The following PARD3B variants were observed in gnomAD, a reference collection of about 807,000 sequenced individuals.
The protein encoded by PARD3B is par-3 family cell polarity regulator beta.
A neutral mutation model predicts 130.2 loss-of-function variants in PARD3B; 103 were observed. The ratio of observed to expected loss-of-function variants is 0.79; its 90% CI spans 0.67 to 0.93. The LOEUF (loss-of-function observed/expected upper bound fraction) is 0.93, where lower values mean the gene tolerates loss of function less well. Among genes scored for constraint, PARD3B ranks in the 40% least tolerant of loss-of-function variants. PARD3B has a pLI of 0.00. For synonymous variants in PARD3B, 583 were observed against 553.2 expected, an observed-to-expected ratio of 1.05 and a Z score of -0.76; for missense variants, 1,609 against 1,499.2, an observed-to-expected ratio of 1.07 and a Z score of -1.21.
intron 16 of PARD3B, among the ~76,000 whole-genome samples, chr2:205,254,161 A>T (rs995184411): frequency 4.0e-5 from 6 of 150,788 alleles, no homozygotes; most frequent in Admixed American, 4.0e-4. Flanking sequence ...TAAGCTACCT[A>T]CTTGCAAGAC....
At position 205,568,137 on chromosome 2, in the gene PARD3B, G is replaced by A. The variant is rs2053428428; in HGVS notation, c.3260+14734G>A. Among the ~76,000 whole-genome samples, 1 of 152,200 alleles carries A rather than the reference G, an allele frequency of 6.6e-6. No individual in the cohort carries two copies. Among genetic ancestry groups the A allele is most frequent in the Non-Finnish European group, 1.5e-5 (1 of 68,030 alleles). ...TAGTGGACAGAAGTGCTGCAGTGAT[G>A]GGGGTGTGGGGGCAGTCTGCTGCCA... On this transcript the variant is annotated intron_variant, in intron 22 of 22. Transcript: ENST00000406610. This position sits in a 1 kb window ranked among gnomAD's most constrained non-coding sequence, Gnocchi z 5.3.
intron 2 of PARD3B, among the ~76,000 whole-genome samples, chr2:204,926,610 AC>A (rs1264931602): frequency 1.3e-5 from 2 of 152,064 alleles, no homozygotes; most frequent in Non-Finnish European, 2.9e-5. Context: ...TCGATCCGTG[AC>A]AGCATTTTAC....
At chr2:205,544,732 C>T (rs2052312030) in intron 21 of PARD3B, among the ~76,000 whole-genome samples, 1 of 152,162 alleles carries the variant, frequency 6.6e-6, no homozygotes, top group Non-Finnish European at 1.5e-5. Context: ...TCATAATTTG[C>T]AGGTTGCTTT....
chr2:205,528,801 A>C (rs769016993), intron 21 of PARD3B, among the ~76,000 whole-genome samples: 24 of 152,036 alleles, frequency 1.6e-4, no homozygotes, highest in Non-Finnish European at 2.6e-4. Context: ...ACACAATCTT[A>C]AATACTCAAC....
Position 205,172,355 on chromosome 2 carries a change from C to G in PARD3B, c.1765C>G (p.Leu589Val), listed in dbSNP as rs753474749. Reference sequence around the variant, plus strand: ...CCGAGGGATGATCCAGTTGGTGATTCTGAGGAGGCCAGAGAGACCAATGGA... The same window carrying G: ...CCGAGGGATGATCCAGTTGGTGATTGTGAGGAGGCCAGAGAGACCAATGGA... ...NIRGMIQLVI[L>V]RRPERPMEDP... Residue 589 changes from leucine to valine, a missense_variant, in exon 12 of 23, where the codon CTG becomes GTG. Transcript: ENST00000406610. The G allele has an allele frequency of 1.9e-6, 3 of 1,614,036 alleles. No homozygotes were observed. The highest frequency in any genetic ancestry group is 2.5e-6 in the Non-Finnish European group (3 of 1,179,952).
chr2:204,697,872 G>C (rs1406534771), intron 2 of PARD3B, among the ~76,000 whole-genome samples: 1 of 152,074 alleles, frequency 6.6e-6, no homozygotes, highest in Admixed American at 6.6e-5. Context: ...GGGAATGGTC[G>C]TGTGATTCAG....
At chr2:205,168,595 C>A (rs2034965441) in intron 11 of PARD3B, among the ~76,000 whole-genome samples, 1 of 151,332 alleles carries the variant, frequency 6.6e-6, no homozygotes, top group Non-Finnish European at 1.5e-5. Flanking sequence ...GAATCAACTT[C>A]ATTTTAGGTC....
In PARD3B at chr2:205,352,668, C is replaced by A. The variant is rs1214073838; in HGVS notation, c.2631-48345C>A. On this transcript the variant is annotated intron_variant, in intron 18 of 22. Coordinates refer to ENST00000406610, the MANE Select transcript of PARD3B (RefSeq NM_001302769.2). The surrounding 1 kb of genome is among the most constrained non-coding windows in gnomAD (Gnocchi z 5.2). ...TTTGATGTGAGGTGTTGGAGATAAA[C>A]AGGTAGTATCAGGCGTCCATAGCCT... 1.3e-5 allele frequency among the ~76,000 whole-genome samples: 2 copies of A among 152,108 alleles called. 1 individual carries two copies. The highest frequency in any genetic ancestry group is 2.9e-5 in the Non-Finnish European group (2 of 68,020).
intron 12 of PARD3B, among the ~76,000 whole-genome samples, chr2:205,175,174 T>A (rs141282484): frequency 1.3e-5 from 2 of 152,312 alleles, no homozygotes; most frequent in East Asian, 1.9e-4. Flanking sequence ...ATCGATTGTG[T>A]CATTTATCAA....
chr2:205,112,284 A>G (rs1371409894), intron 5 of PARD3B, among the ~76,000 whole-genome samples: 1 of 152,120 alleles, frequency 6.6e-6, no homozygotes, highest in African/African-American at 2.4e-5. Flanking sequence ...TCTTAATGAT[A>G]ATAGGCTTGC....
intron 10 of PARD3B, among the ~76,000 whole-genome samples, chr2:205,149,053 C>A (rs921453427): frequency 6.6e-5 from 10 of 152,166 alleles, no homozygotes; most frequent in Non-Finnish European, 1.0e-4. Context: ...GAATCAGGCA[C>A]TGCTTTGCAG....
In PARD3B at chr2:205,128,243, A is replaced by G. The variant is rs998856052; in HGVS notation, c.1434+2506A>G. ...AAAAGAATGCAACCACAGAACTCCA[A>G]CTAGGAACTTAAACCCTCGAGCCTG... On this transcript the variant is annotated intron_variant, in intron 10 of 22. Coordinates refer to ENST00000406610, the MANE Select transcript of PARD3B (RefSeq NM_001302769.2). This position sits in a 1 kb window ranked among gnomAD's most constrained non-coding sequence, Gnocchi z 4.5. Among the ~76,000 whole-genome samples, 2 of 152,216 alleles carry G rather than the reference A, an allele frequency of 1.3e-5. No homozygotes were observed. The highest frequency in any genetic ancestry group is 2.9e-5 in the Non-Finnish European group (2 of 68,042).
At chr2:205,162,981 A>G (rs1350697887) in intron 11 of PARD3B, among the ~76,000 whole-genome samples, 1 of 152,182 alleles carries the variant, frequency 6.6e-6, no homozygotes, top group Non-Finnish European at 1.5e-5. Context: ...ACATCTATGG[A>G]CTACACTTCC....
rs1474614264 is a variant in PARD3B at position 205,470,084 on chromosome 2, T to C, written c.3044+29412T>C. ...TGTCAGGTGAGTCACTTAATGTCTG[T>C]GTGCATCTTTCCTCACCTACAGACA... is the stretch of plus-strand genomic sequence containing the variant. On this transcript the variant is annotated intron_variant, in intron 20 of 22. Coordinates refer to ENST00000406610, the MANE Select transcript of PARD3B (RefSeq NM_001302769.2). The surrounding 1 kb of genome is among the most constrained non-coding windows in gnomAD (Gnocchi z 4.8). Among the ~76,000 whole-genome samples, 2 of 152,216 alleles carry C rather than the reference T, an allele frequency of 1.3e-5. No individual in the cohort carries two copies. Among genetic ancestry groups the C allele is most frequent in the Non-Finnish European group, 2.9e-5 (2 of 68,038 alleles).
Position 204,676,216 on chromosome 2 carries a change from T to C in PARD3B, c.121-9965T>C, listed in dbSNP as rs189990109. Among the ~76,000 whole-genome samples, 806 of 152,220 alleles carry C rather than the reference T, an allele frequency of 5.3e-3. 2 individuals carry two copies. The highest frequency in any genetic ancestry group is 8.2e-3 in the Non-Finnish European group (560 of 68,002). Reference sequence around the variant, plus strand: ...TAATGTTCAAATCAATATAAAATTCTCAGGCTTTTTTTTCCCCCCTACCAA... The same window carrying C: ...TAATGTTCAAATCAATATAAAATTCCCAGGCTTTTTTTTCCCCCCTACCAA... On this transcript the variant is annotated intron_variant, in intron 1 of 22. Transcript: ENST00000406610.
intron 2 of PARD3B, among the ~76,000 whole-genome samples, chr2:204,740,861 G>A (rs889154309): frequency 5.9e-5 from 9 of 152,018 alleles, no homozygotes; most frequent in African/African-American, 2.2e-4. Context: ...TCCCAATATT[G>A]TTTCTCATAT....
At position 204,965,229 on chromosome 2, in the gene PARD3B, C is replaced by A. The variant is rs1691129161; in HGVS notation, c.300C>A (p.Ser100Arg). Residue 100 changes from serine (S) to arginine (R), a missense_variant, in exon 3 of 23, where the codon AGC becomes AGA. Coordinates refer to ENST00000406610, the MANE Select transcript of PARD3B (RefSeq NM_001302769.2). ...GTGGAAACCCTGCAGATCGGCAGAG[C>A]CCAGATGCTTTTGAGACAGAAGTGG... ...SPSGNPADRQ[S>R]PDAFETEVAA... 1 of 1,613,782 alleles carries A rather than the reference C, an allele frequency of 6.2e-7. No homozygotes were observed.
At chr2:204,855,981 G>GGCTAT (rs2044919198) in intron 2 of PARD3B, among the ~76,000 whole-genome samples, 1 of 152,028 alleles carries the variant, frequency 6.6e-6, no homozygotes, top group East Asian at 1.9e-4. Context: ...TTCATATCTT[G>GGCTAT]GCTATTTTTG....
intron 5 of PARD3B, among the ~76,000 whole-genome samples, chr2:205,106,110 G>A (rs1321714543): frequency 1.3e-5 from 2 of 151,434 alleles, no homozygotes; most frequent in East Asian, 3.9e-4. Context: ...ATGGAGTATA[G>A]GAACTTAAAA....
Sources: allele counts gnomAD v4.1 joint callset (sites outside exome capture counted in the v4.1 genomes callset), GRCh38; gene constraint gnomAD v4.1.1; non-coding constraint Gnocchi (gnomAD v3.1); transcripts MANE v1.5; gene names NCBI Gene and HGNC (gene_info 2026-07-23, HGNC 2026-07-21).